BBS9: variants seen among roughly 807,000 people sequenced by gnomAD.
BBS9 encodes the protein protein PTHB1.
A neutral mutation model predicts 117.7 loss-of-function variants in BBS9; 89 were observed. The ratio of observed to expected loss-of-function variants is 0.76; its 90% CI spans 0.64 to 0.90. The LOEUF is 0.90. BBS9 is among the 40% of genes least tolerant of loss of function. The probability of loss-of-function intolerance (pLI) is 0.00; values close to 1 mark genes in which losing one functional copy is unlikely to be tolerated. For synonymous variants in BBS9, 379 were observed against 370.9 expected, an observed-to-expected ratio of 1.02 and a Z score of -0.25; for missense variants, 982 against 1,042.2, an observed-to-expected ratio of 0.94 and a Z score of 0.80.
chr7:33,182,438 C>A (rs1219546150), intron 5 of BBS9, among the ~76,000 whole-genome samples: 1 of 152,190 alleles, frequency 6.6e-6, no homozygotes, highest in African/African-American at 2.4e-5. Context: ...TACTTAAAAT[C>A]TAACGGCTCC....
chr7:33,455,959 A>G (rs1838602812), intron 19 of BBS9, among the ~76,000 whole-genome samples: 1 of 152,208 alleles, frequency 6.6e-6, no homozygotes, highest in Non-Finnish European at 1.5e-5. Context: ...AATTTCAGAA[A>G]TATCTGGAAT....
chr7:33,329,460 G>A (rs1378566787), intron 9 of BBS9, among the ~76,000 whole-genome samples: 2 of 152,000 alleles, frequency 1.3e-5, no homozygotes, highest in Admixed American at 1.3e-4. Flanking sequence ...AGAATAAAAT[G>A]TACATGCAGT....
In BBS9 at chr7:33,169,844, T is replaced by C. The variant is rs1796268248; in HGVS notation, c.329-7634T>C. Among the ~76,000 whole-genome samples the C allele has an allele frequency of 4.0e-5, 6 of 151,372 alleles. No individual in the cohort carries two copies. The South Asian group carries it at 1.0e-3, about 26-fold the overall frequency. On this transcript the variant is annotated intron_variant, in intron 4 of 22. Coordinates refer to ENST00000242067, the MANE Select transcript of BBS9 (RefSeq NM_198428.3). The stretch of plus-strand genomic sequence containing the variant: ...GATCCCATTTGTCAATTTTGTCTTT[T>C]GTTGCCATTGCTTTTGGTGTTTTAG...
chr7:33,160,625 G>A (rs182806692), intron 4 of BBS9, among the ~76,000 whole-genome samples: 18 of 152,248 alleles, frequency 1.2e-4, no homozygotes, highest in African/African-American at 2.4e-4. Context: ...CTTCTTCTGG[G>A]GAGAAACTTT....
chr7:33,147,283 C>T (rs1026096261), intron 2 of BBS9, among the ~76,000 whole-genome samples: 2 of 148,112 alleles, frequency 1.4e-5, no homozygotes, highest in African/African-American at 4.9e-5. Flanking sequence ...TAGTCATTAC[C>T]CTCTTAAAAA....
chr7:33,438,651 G>T (rs1835667826), intron 19 of BBS9, among the ~76,000 whole-genome samples: 1 of 152,218 alleles, frequency 6.6e-6, no homozygotes, highest in South Asian at 2.1e-4. Context: ...ATAGGATGAA[G>T]TGTTGGCAAA....
intron 20 of BBS9, among the ~76,000 whole-genome samples, chr7:33,509,935 A>G (rs2129022615): frequency 6.6e-6 from 1 of 152,238 alleles, no homozygotes; most frequent in East Asian, 1.9e-4. Context: ...ATGCCTTTCC[A>G]TTTTTGTCAC....
At chr7:33,153,620 A>AAATACATTAATATATTTGTAT (rs1793675052) in intron 3 of BBS9, among the ~76,000 whole-genome samples, 1 of 152,172 alleles carries the variant, frequency 6.6e-6, no homozygotes, top group Non-Finnish European at 1.5e-5. Flanking sequence ...TTTGTTTATC[A>AAATACATTAATATATTTGTAT]TAATTTATTG....
Position 33,320,945 on chromosome 7 carries a change from T to C in BBS9, c.1017-15496T>C, listed in dbSNP as rs1198105293. ...GGGTCTAGTTTCATTCTTGTACATATAGATATCCAGTATTCCCAGACCCAC... is the reference window on the plus strand; with the variant it reads ...GGGTCTAGTTTCATTCTTGTACATACAGATATCCAGTATTCCCAGACCCAC... On this transcript the variant is annotated intron_variant, in intron 9 of 22. Coordinates refer to ENST00000242067, the MANE Select transcript of BBS9 (RefSeq NM_198428.3). Among the ~76,000 whole-genome samples, 9 of 152,204 alleles carry C rather than the reference T, an allele frequency of 5.9e-5. No individual in the cohort carries two copies. In the South Asian group the frequency reaches 1.9e-3, roughly 32 times the overall value.
chr7:33,462,956 G>A (rs961340814), intron 19 of BBS9, among the ~76,000 whole-genome samples: 3 of 152,078 alleles, frequency 2.0e-5, no homozygotes, highest in African/African-American at 7.2e-5. Context: ...CACTTTGCAC[G>A]TTAAACATTT....
At chr7:33,453,982 G>A (rs1303850664) in intron 19 of BBS9, among the ~76,000 whole-genome samples, 1 of 152,158 alleles carries the variant, frequency 6.6e-6, no homozygotes, top group Non-Finnish European at 1.5e-5. Context: ...ATGGATTTCT[G>A]ACTGCATGGC....
At chr7:33,418,923 A>G (rs961679) in intron 19 of BBS9, among the ~76,000 whole-genome samples, 29,900 of 152,190 alleles carry the variant, frequency 0.2, 3,369 homozygotes, top group East Asian at 0.46. Flanking sequence ...TAGTAGATCA[A>G]TAATACCTTT....
intron 19 of BBS9, among the ~76,000 whole-genome samples, chr7:33,437,592 GT>G (rs1835494514): frequency 6.6e-6 from 1 of 152,162 alleles, no homozygotes; most frequent in African/African-American, 2.4e-5. Context: ...TTTAAGAACA[GT>G]TTTTGGGCAG....
chr7:33,396,310 A>G (rs1437789698), intron 19 of BBS9, among the ~76,000 whole-genome samples: 5 of 152,138 alleles, frequency 3.3e-5, no homozygotes, highest in Admixed American at 2.6e-4. Context: ...ATTTGAAGTG[A>G]TATTTCATAT....
At chr7:33,301,893 A>G (rs2128425867) in intron 9 of BBS9, among the ~76,000 whole-genome samples, 1 of 152,302 alleles carries the variant, frequency 6.6e-6, no homozygotes, top group African/African-American at 2.4e-5. Flanking sequence ...CATTTCCACC[A>G]ACAATGTATG....
chr7:33,498,036 G>A (rs1844965200), intron 19 of BBS9, among the ~76,000 whole-genome samples: 1 of 152,178 alleles, frequency 6.6e-6, no homozygotes. Context: ...CAGCAGGGAT[G>A]TTCACTAGCT....
intron 9 of BBS9, among the ~76,000 whole-genome samples, chr7:33,307,951 C>A (rs1055947196): frequency 6.6e-6 from 1 of 152,102 alleles, no homozygotes. Flanking sequence ...TAACACAAAC[C>A]AATTGCTAGG....
chr7:33,159,841 A>C (rs1357609162), intron 4 of BBS9, among the ~76,000 whole-genome samples: 4 of 152,214 alleles, frequency 2.6e-5, no homozygotes, highest in Non-Finnish European at 4.4e-5. Flanking sequence ...TATTTTGACT[A>C]TCAGGAGGAT....
intron 5 of BBS9, among the ~76,000 whole-genome samples, chr7:33,220,061 G>C (rs962466119): frequency 6.6e-6 from 1 of 152,140 alleles, no homozygotes; most frequent in Middle Eastern, 3.2e-3. Context: ...CACTCACCGC[G>C]AGGGTCCGTG....
Sources: allele counts gnomAD v4.1 joint callset (sites outside exome capture counted in the v4.1 genomes callset), GRCh38; gene constraint gnomAD v4.1.1; transcripts MANE v1.5; gene names NCBI Gene and HGNC (gene_info 2026-07-23, HGNC 2026-07-21).